The following CAPN13 variants were observed in gnomAD, a reference collection of about 807,000 sequenced individuals.
CAPN13 encodes calpain-13.
CAPN13 carries 90 observed loss-of-function variants against 98.4 expected under a neutral mutation model. That is an observed-to-expected ratio of 0.92 (90% CI 0.77 to 1.09). The LOEUF (loss-of-function observed/expected upper bound fraction) is 1.09. Ranked by LOEUF, CAPN13 falls within the 50% of genes least tolerant of loss-of-function variation. The pLI is 0.00. For missense variants in CAPN13, 887 were observed against 841.3 expected (o/e 1.05, Z -0.67); for synonymous variants, 330 against 305.5 (o/e 1.08, Z -0.84).
At chr2:30,727,816 T>C (rs1306951596) in intron 22 of CAPN13, among the ~76,000 whole-genome samples, 3 of 152,010 alleles carry the variant, frequency 2.0e-5, no homozygotes, top group African/African-American at 4.8e-5. Flanking sequence ...ATACACCCAA[T>C]TGAAATAAAA....
intron 5 of CAPN13, among the ~76,000 whole-genome samples, chr2:30,765,926 CTA>C (rs1394711243): frequency 6.6e-6 from 1 of 152,182 alleles, no homozygotes; most frequent in Admixed American, 6.5e-5. Flanking sequence ...GACCCAGGGT[CTA>C]GATTTTTCTC....
chr2:30,743,392 T>A lies in CAPN13; in HGVS notation c.1436A>T (p.Asp479Val). ...CCAGAGGGTTCTGTACCTGTCACTG[T>A]CTGGCATTTTCAGGAAGATTCGGAG... ...FLLRIFLKMP[D>V]SDRHLSSHFN... The change falls in exon 13 of 23, where the codon GAC (aspartate) becomes GTC (valine). Residue 479 changes from aspartate (D) to valine (V), a missense_variant. Physicochemically the swap from Asp to Val is radical, Grantham distance 152 (BLOSUM62 -3). Coordinates refer to ENST00000295055, the MANE Select transcript of CAPN13 (RefSeq NM_144575.3). The A allele has an allele frequency of 6.2e-7, 1 of 1,613,458 alleles. No homozygotes were observed. The highest frequency in any genetic ancestry group is 8.5e-7 in the Non-Finnish European group (1 of 1,179,360).
At chr2:30,742,827 A>G (rs542999812) in intron 13 of CAPN13, among the ~76,000 whole-genome samples, 2 of 152,170 alleles carry the variant, frequency 1.3e-5, no homozygotes, top group African/African-American at 4.8e-5. Flanking sequence ...TCAAGTTGGC[A>G]TGGAAGACCC....
chr2:30,745,615 G>C, intron 12 of CAPN13, 108 bp downstream of exon 12: 1 of 1,113,234 alleles, frequency 9.0e-7, no homozygotes, highest in Non-Finnish European at 1.3e-6. Flanking sequence ...TAGCGAGACT[G>C]AATTTGCAGC....
intron 4 of CAPN13, among the ~76,000 whole-genome samples, chr2:30,773,318 G>C (rs1032656038): frequency 6.6e-6 from 1 of 152,044 alleles, no homozygotes; most frequent in Non-Finnish European, 1.5e-5. Flanking sequence ...TTTTAAGTGA[G>C]AGCAAAGGAA....
chr2:30,754,775 C>G (rs924208873), intron 8 of CAPN13, among the ~76,000 whole-genome samples: 1 of 152,180 alleles, frequency 6.6e-6, no homozygotes, highest in Non-Finnish European at 1.5e-5. Flanking sequence ...ACACCCCTCT[C>G]AAAGCCAGGC....
rs573976832 is a variant in CAPN13 at position 30,786,088 on chromosome 2, C to A, written c.198+1040G>T. 6.6e-5 allele frequency among the ~76,000 whole-genome samples: 10 copies of A among 152,318 alleles called. No individual in the cohort carries two copies. In the South Asian group the frequency reaches 2.1e-3, roughly 32 times the overall value. On this transcript the variant is annotated intron_variant, in intron 2 of 22. Transcript: ENST00000295055. ...TCAGTTCTCCTTCCCATGTGCAGAA[C>A]TGAATTAGATATCCACAGACCAGAC...
In CAPN13 at chr2:30,743,561, G is replaced by T. The variant is rs1457836604; in HGVS notation, c.1267C>A (p.Pro423Thr). The change falls in exon 13 of 23, where the codon CCA (proline) becomes ACA (threonine). Residue 423 changes from proline to threonine, a missense_variant. Pro to Thr is a conservative substitution (Grantham distance 38). Transcript: ENST00000295055. ...CTGAACGAGGAAAAAAACACGGGTG[G>T]AAATTTCTCCCGGAACCGCTGGAAT... is the stretch of plus-strand genomic sequence containing the variant. ...AGSQRFREKF[P>T]PVFFSSFRNT... 1 of 1,613,932 alleles carries T rather than the reference G, an allele frequency of 6.2e-7. No homozygotes were observed.
intron 5 of CAPN13, among the ~76,000 whole-genome samples, chr2:30,768,419 A>G (rs1187324959): frequency 1.3e-5 from 2 of 152,160 alleles, no homozygotes; most frequent in African/African-American, 4.8e-5. Flanking sequence ...AAGACAGGTG[A>G]CTGGGTGGGA....
Position 30,753,123 on chromosome 2 carries a change from A to G in CAPN13, c.1017T>C (p.His339=), listed in dbSNP as rs1400030633. 7.4e-6 allele frequency: 12 copies of G among 1,613,878 alleles called. No individual in the cohort carries two copies. The highest frequency in any genetic ancestry group is 1.0e-5 in the Non-Finnish European group (12 of 1,179,878). ...ICSEIPITLD[H]GNTLHEGWSQ... ...ACCATCCTTCGTGGAGTGTGTTTCC[A>G]TGGTCCAGGGTAATTGGAATTTCGC... is the stretch of plus-strand genomic sequence containing the variant. The change falls in exon 10 of 23, where the codon CAT becomes CAC. Residue 339 remains histidine, a synonymous_variant. Transcript: ENST00000295055.
intron 14 of CAPN13, 148 bp downstream of exon 14, chr2:30,742,178 C>T: frequency 9.3e-7 from 1 of 1,079,038 alleles, no homozygotes; most frequent in South Asian, 1.5e-5. Flanking sequence ...CTCCCCCTAC[C>T]CCGCCCCTTT....
At chr2:30,732,317 G>C (rs1558607379) in intron 20 of CAPN13, 121 bp downstream of exon 20, 1 of 1,288,874 alleles carries the variant, frequency 7.8e-7, no homozygotes, top group Non-Finnish European at 1.1e-6. Flanking sequence ...CACACAGGCT[G>C]CTGGCCCACC....
intron 20 of CAPN13, among the ~76,000 whole-genome samples, chr2:30,732,201 G>A (rs567879112): frequency 6.6e-6 from 1 of 152,294 alleles, no homozygotes; most frequent in East Asian, 1.9e-4. Context: ...CCTGAGAGAG[G>A]GGCTGGTCAG....
intron 11 of CAPN13, among the ~76,000 whole-genome samples, chr2:30,750,701 CTCTGG>C (rs1672130702): frequency 6.6e-6 from 1 of 152,204 alleles, no homozygotes; most frequent in Non-Finnish European, 1.5e-5. Flanking sequence ...GTGCATAAGC[CTCTGG>C]AGAGCTTATG....
chr2:30,730,022 G>A (rs1379783029), intron 22 of CAPN13: 2 of 152,312 alleles, frequency 1.3e-5, no homozygotes, highest in Non-Finnish European at 2.9e-5. Flanking sequence ...CCAGAAGCAT[G>A]AGTAGAAAGT....
intron 9 of CAPN13, 46 bp downstream of exon 9, chr2:30,754,244 G>A: frequency 6.9e-6 from 10 of 1,452,060 alleles, no homozygotes; most frequent in Non-Finnish European, 8.5e-6. Flanking sequence ...TTGAAGACTT[G>A]GGCAATAAAA....
chr2:30,751,250 T>A lies in CAPN13; in HGVS notation c.1089A>T (p.Gly363=). 6.2e-7 allele frequency: 1 copy of A among 1,613,726 alleles called. No individual in the cohort carries two copies. The highest frequency in any genetic ancestry group is 8.5e-7 in the Non-Finnish European group (1 of 1,179,732). The change falls in exon 11 of 23, where the codon GGA becomes GGT. Residue 363 remains glycine, a splice_region_variant and synonymous_variant. Coordinates refer to ENST00000295055, the MANE Select transcript of CAPN13 (RefSeq NM_144575.3). ...RKQVILGNTA[G]GPRNDAQFNF... is the part of the protein sequence containing the mutation. Reference sequence around the variant, plus strand: ...TGAATTGAGCATCATTCCGAGGTCCTCCTGCATCAGAAAGAGCTGTTACTA... The same window carrying A: ...TGAATTGAGCATCATTCCGAGGTCCACCTGCATCAGAAAGAGCTGTTACTA...
chr2:30,766,224 G>T (rs1673103250), intron 5 of CAPN13, among the ~76,000 whole-genome samples: 1 of 152,238 alleles, frequency 6.6e-6, no homozygotes, highest in Admixed American at 6.5e-5. Context: ...CTCCAGAAAA[G>T]CCGCGGTGGG....
chr2:30,787,579 G>A (rs1051261461), intron 1 of CAPN13, among the ~76,000 whole-genome samples: 1 of 152,216 alleles, frequency 6.6e-6, no homozygotes, highest in Non-Finnish European at 1.5e-5. Flanking sequence ...TTTCCCGTGT[G>A]CTTTCACGTG....
Sources: gnomAD v4.1 joint callset for allele counts (sites outside exome capture counted in the v4.1 genomes callset) on GRCh38, gnomAD v4.1.1 for gene constraint, MANE v1.5 for transcripts, NCBI Gene and HGNC (gene_info 2026-07-23, HGNC 2026-07-21) for gene names.